PSMB1: variants seen among roughly 807,000 people sequenced by gnomAD.
PSMB1 encodes proteasome subunit beta type-1.
In PSMB1, 7 loss-of-function variants were observed where a neutral mutation model predicts 25.4. The ratio of observed to expected loss-of-function variants is 0.28; its 90% CI spans 0.16 to 0.52. The LOEUF is 0.52. Ranked by LOEUF, PSMB1 falls within the 20% of genes least tolerant of loss-of-function variation. The pLI is 0.97. For missense variants in PSMB1, 284 were observed against 302.2 expected, an observed-to-expected ratio of 0.94 and a Z score of 0.45; for synonymous variants, 119 against 115.0, an observed-to-expected ratio of 1.03 and a Z score of -0.22.
chr6:170,536,324 T>C (rs925771771), intron 5 of PSMB1: 2 of 447,544 alleles, frequency 4.5e-6, no homozygotes, highest in Admixed American at 4.9e-5. Flanking sequence ...AAACTGATTA[T>C]AAAAAGTTAA....
chr6:170,540,187 C>G (rs1014521404), intron 4 of PSMB1, among the ~76,000 whole-genome samples: 2 of 152,036 alleles, frequency 1.3e-5, no homozygotes, highest in Non-Finnish European at 2.9e-5. Context: ...CCTTGCTGTC[C>G]TGAAGGTTTC....
chr6:170,536,124 C>G (rs1048416478), intron 5 of PSMB1, among the ~76,000 whole-genome samples: 3 of 152,170 alleles, frequency 2.0e-5, no homozygotes, highest in Non-Finnish European at 2.9e-5. Context: ...TTCAACCACT[C>G]AGGCCCACTG....
At chr6:170,538,648 G>A (rs567025430) in intron 4 of PSMB1, among the ~76,000 whole-genome samples, 9 of 152,246 alleles carry the variant, frequency 5.9e-5, no homozygotes, top group African/African-American at 1.9e-4. Flanking sequence ...GTGGTGAGCC[G>A]AGATCATGCC....
In PSMB1 at chr6:170,535,290, T is replaced by C. The variant is rs1183123145; in HGVS notation, c.656A>G (p.Asp219Gly). 6.2e-7 allele frequency: 1 copy of C among 1,613,964 alleles called. No individual in the cohort carries two copies. The highest frequency in any genetic ancestry group is 8.5e-7 in the Non-Finnish European group (1 of 1,180,014). ...GGTCACTATGCAGATCCGGAGTGCG[T>C]CCCCAGTGTACACATCTCTCTCAGC... Reference protein sequence around the residue: ...SAAERDVYTGDALRICIVTKE... With the variant: ...SAAERDVYTGGALRICIVTKE... The change falls in exon 6 of 6, where the codon GAC (aspartate) becomes GGC (glycine). Residue 219 changes from aspartate (D) to glycine (G), a missense_variant. Asp to Gly is a moderately conservative substitution (Grantham distance 94). Coordinates refer to ENST00000262193, the MANE Select transcript of PSMB1 (RefSeq NM_002793.4).
At chr6:170,544,078 C>G (rs764642465) in intron 3 of PSMB1, among the ~76,000 whole-genome samples, 9 of 152,196 alleles carry the variant, frequency 5.9e-5, no homozygotes, top group African/African-American at 1.4e-4. Flanking sequence ...CAGGGGTCAA[C>G]AAACTACCCC....
In PSMB1 at chr6:170,549,156, C is replaced by T. The variant is rs780188648; in HGVS notation, c.114-43G>A. On this transcript the variant is annotated intron_variant, in intron 1 of 5. Coordinates refer to ENST00000262193, the MANE Select transcript of PSMB1 (RefSeq NM_002793.4). ...AAATTAATTCTCCAGGGTGGTAATCCTATCCCTACAAATAGAAGAATGCTC... is the reference window on the plus strand; with the variant it reads ...AAATTAATTCTCCAGGGTGGTAATCTTATCCCTACAAATAGAAGAATGCTC... The T allele has an allele frequency of 6.8e-6, 8 of 1,171,620 alleles. No homozygotes were observed. In the South Asian group the frequency reaches 1.0e-4, roughly 15 times the overall value. 72.6% of individuals were successfully genotyped at this position (1,171,620 alleles called of 1,614,324 possible).
chr6:170,544,213 GT>G (rs1778789751), intron 3 of PSMB1, among the ~76,000 whole-genome samples: 1 of 106,074 alleles, frequency 9.4e-6, no homozygotes. Flanking sequence ...TTACTATCTG[GT>G]CCTTTACAGA....
intron 4 of PSMB1, 124 bp from the exon 5 acceptor site, chr6:170,537,464 C>CA (rs752535852): frequency 1.5e-4 from 102 of 693,736 alleles, no homozygotes; most frequent in Non-Finnish European, 2.4e-4. Flanking sequence ...CTTCAGGGAA[C>CA]AGTTGGAACA....
At chr6:170,545,115 G>T (rs2038093) in intron 3 of PSMB1, among the ~76,000 whole-genome samples, 1 of 150,592 alleles carries the variant, frequency 6.6e-6, no homozygotes, top group African/African-American at 2.5e-5. Context: ...TTGCACTCCA[G>T]CCTGGGCAAC....
At chr6:170,540,272 A>G (rs1027854145) in intron 4 of PSMB1, among the ~76,000 whole-genome samples, 15 of 152,190 alleles carry the variant, frequency 9.9e-5, no homozygotes, top group African/African-American at 3.6e-4. Flanking sequence ...CTGAGACATT[A>G]GCAGAGGCTC....
In PSMB1 at chr6:170,553,138, G is replaced by A. The variant is rs774818021; in HGVS notation, c.105C>T (p.Phe35=). The A allele has an allele frequency of 3.1e-6, 5 of 1,610,860 alleles. No homozygotes were observed. The highest frequency in any genetic ancestry group is 1.7e-5 in the Admixed American group (1 of 59,666). The stretch of plus-strand genomic sequence containing the variant: ...CTCTCTGGGGTTTTTACCCTCCGTT[G>A]AAAACGTAGGGCGAAAATCGCAGCT... ...PLQLRFSPYV[F]NGGTILAIAG... is the part of the protein sequence containing the mutation. Residue 35 remains phenylalanine (F), a synonymous_variant, in exon 1 of 6, where the codon TTC becomes TTT. Coordinates refer to ENST00000262193, the MANE Select transcript of PSMB1 (RefSeq NM_002793.4).
In PSMB1 at chr6:170,546,083, A is replaced by G; in HGVS notation, c.303+20T>C. 6.3e-7 allele frequency: 1 copy of G among 1,596,066 alleles called. No homozygotes were observed. Among genetic ancestry groups the G allele is most frequent in the Non-Finnish European group, 8.6e-7 (1 of 1,165,430 alleles). On this transcript the variant is annotated intron_variant, in intron 3 of 5. Coordinates refer to ENST00000262193, the MANE Select transcript of PSMB1 (RefSeq NM_002793.4). ...TTACTATTAATTTAAAATAGTGTAG[A>G]AATGTACAAAAGCATCTACCTTTAG...
Position 170,537,879 on chromosome 6 carries a change from G to A in PSMB1, c.434-539C>T, listed in dbSNP as rs182340219. Among the ~76,000 whole-genome samples the A allele has an allele frequency of 9.6e-3, 1,464 of 152,276 alleles. 23 individuals carry two copies. The highest frequency in any genetic ancestry group is 0.034 in the African/African-American group (1,401 of 41,554). Reference sequence around the variant, plus strand: ...AACTCAAACAGTCATTTGTAAGAAAGTCTTTATTTCTTGGCTCTCCTAAGC... The same window carrying A: ...AACTCAAACAGTCATTTGTAAGAAAATCTTTATTTCTTGGCTCTCCTAAGC... On this transcript the variant is annotated intron_variant, in intron 4 of 5. Transcript: ENST00000262193.
Position 170,546,163 on chromosome 6 carries a change from T to A in PSMB1, c.243A>T (p.Gly81=). ...CYKLTDKTVI[G]CSGFHGDCLT... is the part of the protein sequence containing the mutation. ...GACAGTCTCCATGAAAACCGCTGCA[T>A]CCAATGACTGTTTTGTCTGTTCTGT... Residue 81 remains glycine (G), a synonymous_variant, in exon 3 of 6, where the codon GGA becomes GGT. Transcript: ENST00000262193. 6.2e-7 allele frequency: 1 copy of A among 1,613,946 alleles called. No individual in the cohort carries two copies. The highest frequency in any genetic ancestry group is 8.5e-7 in the Non-Finnish European group (1 of 1,179,884).
intron 4 of PSMB1, among the ~76,000 whole-genome samples, chr6:170,543,079 G>C (rs969537848): frequency 1.8e-4 from 28 of 152,062 alleles, no homozygotes; most frequent in African/African-American, 6.3e-4. Context: ...TGCAGCTCTG[G>C]AACAAAAATG....
chr6:170,553,068 A>C lies in PSMB1; in HGVS notation c.113+62T>G, dbSNP rs896137682. On this transcript the variant is annotated intron_variant, in intron 1 of 5. Coordinates refer to ENST00000262193, the MANE Select transcript of PSMB1 (RefSeq NM_002793.4). ...AGCGCCATCACGGCGGTGACTCCTA[A>C]ATAGGCTTCAGCAGATGGGGGAAGG... is the stretch of plus-strand genomic sequence containing the variant. The C allele has an allele frequency of 7.0e-6, 10 of 1,437,960 alleles. No individual in the cohort carries two copies. In the South Asian group the frequency reaches 1.3e-4, roughly 18 times the overall value. 89.1% of individuals were successfully genotyped at this position (1,437,960 alleles called of 1,614,324 possible).
chr6:170,540,588 C>CAAA lies in PSMB1; in HGVS notation c.433+3010_433+3012dup, dbSNP rs5881872. ...AAGACTCTTCAATGTGAATGGACAG[C>CAAA]AAAAAAAAAAAAAAAAAAAAAAAAA... On this transcript the variant is annotated intron_variant, in intron 4 of 5. Transcript: ENST00000262193. 3.5e-3 allele frequency among the ~76,000 whole-genome samples: 215 copies of CAAA among 61,130 alleles called. 3 individuals are homozygous for CAAA. The highest frequency in any genetic ancestry group is 0.017 in the Middle Eastern group (1 of 58). The allele number at this position is 61,130 out of a possible 152,430, so 40.1% of individuals were successfully genotyped here. A position where few individuals can be genotyped will look rare whatever the true frequency, so the allele number is the denominator to read the frequency against.
chr6:170,546,256 A>G, intron 2 of PSMB1, 72 bp from the exon 3 acceptor site: 1 of 1,273,718 alleles, frequency 7.9e-7, no homozygotes. Context: ...GCAATTTTAA[A>G]TTTAAAATTC....
rs1778675039 is a variant in PSMB1 at position 170,535,204 on chromosome 6, G to A, written c.*16C>T. The A allele has an allele frequency of 5.0e-6, 8 of 1,611,652 alleles. No homozygotes were observed. The South Asian group carries it at 6.6e-5, about 13-fold the overall frequency. Reference sequence around the variant, plus strand: ...ATCAACCAGGTCTGAACTGATTGGTGATAAGAGCACACAGATCAGTCCTTC... The same window carrying A: ...ATCAACCAGGTCTGAACTGATTGGTAATAAGAGCACACAGATCAGTCCTTC... On this transcript the variant is annotated 3_prime_UTR_variant, in exon 6 of 6. Coordinates refer to ENST00000262193, the MANE Select transcript of PSMB1 (RefSeq NM_002793.4).
Sources: allele counts gnomAD v4.1 joint callset (sites outside exome capture counted in the v4.1 genomes callset), GRCh38; gene constraint gnomAD v4.1.1; transcripts MANE v1.5; gene names NCBI Gene and HGNC (gene_info 2026-07-23, HGNC 2026-07-21).